Variants in RIMS2 observed in about 807,000 individuals in gnomAD.
RIMS2 encodes regulating synaptic membrane exocytosis 2.
A neutral mutation model predicts 174.4 loss-of-function variants in RIMS2; 59 were observed. The ratio of observed to expected loss-of-function variants is 0.34; its 90% CI spans 0.27 to 0.42. RIMS2 has a LOEUF of 0.42. RIMS2 is among the 10% of genes least tolerant of loss of function. The probability of loss-of-function intolerance (pLI) is 1.00; values close to 1 mark genes in which losing one functional copy is unlikely to be tolerated. For synonymous variants in RIMS2, 606 were observed against 572.5 expected (o/e 1.06, Z -0.84); for missense variants, 1,620 against 1,666.3 (o/e 0.97, Z 0.48).
chr8:104,149,334 AT>A lies in RIMS2; in HGVS notation c.3335-95578del, dbSNP rs1395385347. Among the ~76,000 whole-genome samples the A allele has an allele frequency of 5.3e-5, 8 of 152,330 alleles. No homozygotes were observed. In the East Asian group the frequency reaches 1.5e-3, roughly 29 times the overall value. On this transcript the variant is annotated intron_variant, in intron 19 of 23. Coordinates refer to ENST00000504942, the Ensembl canonical transcript of RIMS2. ...AAGCAACATTTACCAGTAGTTATCA[AT>A]TTTCTCACTGCAATTTTTATTTCCC...
Position 103,897,383 on chromosome 8 carries a change from T to C in RIMS2, c.1624+11160T>C, listed in dbSNP as rs540196497. Among the ~76,000 whole-genome samples, 361 of 151,768 alleles carry C rather than the reference T, an allele frequency of 2.4e-3. 12 individuals are homozygous for C. Among genetic ancestry groups the C allele is most frequent in the African/African-American group, 8.4e-3 (347 of 41,126 alleles). Reference sequence around the variant, plus strand: ...ATCAGTGAACCAGGCATGATGTTTGTCCTCCTTTGTCAGGTAGCCATAAGT... The same window carrying C: ...ATCAGTGAACCAGGCATGATGTTTGCCCTCCTTTGTCAGGTAGCCATAAGT... On this transcript the variant is annotated intron_variant, in intron 4 of 23. Coordinates refer to ENST00000504942, the Ensembl canonical transcript of RIMS2.
At chr8:103,541,743 TTTG>T (rs1182269120) in intron 1 of RIMS2, among the ~76,000 whole-genome samples, 2 of 152,198 alleles carry the variant, frequency 1.3e-5, no homozygotes, top group African/African-American at 4.8e-5. Context: ...GCTACAATAA[TTTG>T]TTAAGGGATA....
intron 19 of RIMS2, among the ~76,000 whole-genome samples, chr8:104,064,999 A>G (rs2097079316): frequency 6.6e-6 from 1 of 152,124 alleles, no homozygotes; most frequent in Admixed American, 6.6e-5. Flanking sequence ...AATTAATCTT[A>G]GAGATTCCTA....
intron 3 of RIMS2, among the ~76,000 whole-genome samples, chr8:103,828,485 C>A (rs2098805400): frequency 6.6e-6 from 1 of 152,086 alleles, no homozygotes; most frequent in East Asian, 1.9e-4. Flanking sequence ...GGATATTAGA[C>A]CTTTGTCAAA....
intron 1 of RIMS2, among the ~76,000 whole-genome samples, chr8:103,688,742 T>C (rs890240931): frequency 6.6e-6 from 1 of 152,092 alleles, no homozygotes; most frequent in Admixed American, 6.6e-5. Flanking sequence ...CTTTAATGTC[T>C]CCTCTTTAAT....
chr8:103,987,518 G>C (rs1388331972), intron 16 of RIMS2, among the ~76,000 whole-genome samples: 3 of 152,032 alleles, frequency 2.0e-5, no homozygotes, highest in African/African-American at 7.2e-5. Flanking sequence ...GCTTAATAAA[G>C]CAAGCATTAT....
At chr8:103,800,220 G>GT (rs1323374158) in intron 3 of RIMS2, among the ~76,000 whole-genome samples, 1 of 151,810 alleles carries the variant, frequency 6.6e-6, no homozygotes, top group Non-Finnish European at 1.5e-5. Flanking sequence ...GTACCACACT[G>GT]TAATTTTTTT....
intron 6 of RIMS2, among the ~76,000 whole-genome samples, chr8:103,913,584 G>C (rs1265628344): frequency 6.6e-6 from 1 of 152,120 alleles, no homozygotes; most frequent in Non-Finnish European, 1.5e-5. Flanking sequence ...ACCTGACTGG[G>C]TAATTTATAA....
At chr8:103,571,388 T>C (rs1205738497) in intron 1 of RIMS2, among the ~76,000 whole-genome samples, 1 of 152,220 alleles carries the variant, frequency 6.6e-6, no homozygotes, top group African/African-American at 2.4e-5. Context: ...TTGAAGTTTC[T>C]TGAAAATACT....
intron 2 of RIMS2, among the ~76,000 whole-genome samples, chr8:103,749,182 G>T (rs2139648106): frequency 6.6e-6 from 1 of 151,424 alleles, no homozygotes; most frequent in African/African-American, 2.4e-5. Flanking sequence ...CGTGATCTCG[G>T]CTTACTGCAA....
Position 103,911,704 on chromosome 8 carries a change from C to A in RIMS2, c.1693-349C>A, listed in dbSNP as rs1402725979. ...GTAGAATTTCAATGCATCTTTTCTT[C>A]CCGTGAATTTTTATTTTTCAGCATG... On this transcript the variant is annotated intron_variant, in intron 5 of 23. Transcript: ENST00000504942. Among the ~76,000 whole-genome samples the A allele has an allele frequency of 6.6e-5, 10 of 152,122 alleles. No homozygotes were observed. In the East Asian group the frequency reaches 1.9e-3, roughly 29 times the overall value.
chr8:103,526,629 GAA>G (rs1161900465), intron 1 of RIMS2, among the ~76,000 whole-genome samples: 1 of 152,066 alleles, frequency 6.6e-6, no homozygotes, highest in African/African-American at 2.4e-5. Context: ...AAAAAGAACT[GAA>G]AAAGGTAATA....
chr8:103,546,914 G>C (rs1270000521), intron 1 of RIMS2, among the ~76,000 whole-genome samples: 1 of 152,128 alleles, frequency 6.6e-6, no homozygotes, highest in Non-Finnish European at 1.5e-5. Context: ...TGGCAAACAA[G>C]GTACATCTTA....
chr8:103,706,982 A>T (rs904136395), intron 2 of RIMS2, among the ~76,000 whole-genome samples: 1 of 151,204 alleles, frequency 6.6e-6, no homozygotes, highest in African/African-American at 2.4e-5. Context: ...TCTTTCATTT[A>T]TTTTCTTTTT....
intron 1 of RIMS2, among the ~76,000 whole-genome samples, chr8:103,672,203 A>G (rs1239355836): frequency 6.6e-6 from 1 of 151,858 alleles, no homozygotes; most frequent in East Asian, 1.9e-4. Flanking sequence ...TCTGTCTTCT[A>G]TTGTTTTTTT....
chr8:104,249,583 T>A, exon 22 of RIMS2: 4 of 1,568,516 alleles, frequency 2.6e-6, no homozygotes, highest in Non-Finnish European at 3.5e-6. Flanking sequence ...TCCAAGACAC[T>A]GCCAGGTAAA....
At chr8:103,693,713 G>C (rs1414765024) in intron 1 of RIMS2, among the ~76,000 whole-genome samples, 1 of 152,134 alleles carries the variant, frequency 6.6e-6, no homozygotes, top group Admixed American at 6.5e-5. Flanking sequence ...CCAGTGCCTG[G>C]GTCAGCAGGT....
chr8:104,010,834 G>T (rs889611872), intron 17 of RIMS2, among the ~76,000 whole-genome samples: 4 of 151,902 alleles, frequency 2.6e-5, no homozygotes, highest in African/African-American at 9.7e-5. Flanking sequence ...ACTCTTTTTG[G>T]AATAATATTT....
intron 19 of RIMS2, among the ~76,000 whole-genome samples, chr8:104,033,165 T>A (rs1162280757): frequency 2.0e-5 from 3 of 152,036 alleles, no homozygotes; most frequent in African/African-American, 4.8e-5. Flanking sequence ...GGAATTTAAA[T>A]TTTTTCATAA....
Sources: allele counts gnomAD v4.1 joint callset (sites outside exome capture counted in the v4.1 genomes callset), GRCh38; gene constraint gnomAD v4.1.1; transcripts MANE v1.5; gene names NCBI Gene and HGNC (gene_info 2026-07-23, HGNC 2026-07-21).